Variants in DGKD observed in about 807,000 individuals in gnomAD.
DGKD encodes the protein DAG kinase delta.
A neutral mutation model predicts 154.4 loss-of-function variants in DGKD; 68 were observed. That is an observed-to-expected ratio of 0.44 (90% CI 0.36 to 0.54). The LOEUF is 0.54. DGKD is among the 20% of genes least tolerant of loss of function. The probability of loss-of-function intolerance (pLI) is 0.00; values close to 1 mark genes in which losing one functional copy is unlikely to be tolerated. For missense variants in DGKD, 1,343 were observed against 1,593.6 expected (o/e 0.84, Z 2.68); for synonymous variants, 693 against 638.0 (o/e 1.09, Z -1.30).
intron 12 of DGKD, chr2:233,447,424 CG>C: frequency 1.0e-6 from 1 of 965,620 alleles, no homozygotes; most frequent in Non-Finnish European, 1.2e-6. Flanking sequence ...GCTAGGGCAA[CG>C]GTCAGCAAAC....
At chr2:233,454,136 C>T (rs747038534) in intron 18 of DGKD, among the ~76,000 whole-genome samples, 2 of 152,144 alleles carry the variant, frequency 1.3e-5, no homozygotes, top group African/African-American at 2.4e-5. Flanking sequence ...GCAGAACTGC[C>T]GGGCCATGTG....
chr2:233,381,962 G>A lies in DGKD; in HGVS notation c.157-6295G>A, dbSNP rs528638558. 4.6e-5 allele frequency among the ~76,000 whole-genome samples: 7 copies of A among 152,328 alleles called. No individual in the cohort carries two copies. In the South Asian group the frequency reaches 8.3e-4, roughly 18 times the overall value. Reference sequence around the variant, plus strand: ...GTGATATGCAAATTGGGCCAGGTGCGGTGGCTCACGCCTGTGATCCCAGCA... The same window carrying A: ...GTGATATGCAAATTGGGCCAGGTGCAGTGGCTCACGCCTGTGATCCCAGCA... On this transcript the variant is annotated intron_variant, in intron 1 of 29. Coordinates refer to ENST00000264057, the MANE Select transcript of DGKD (RefSeq NM_152879.3).
chr2:233,453,351 T>C (rs965063239), intron 18 of DGKD, among the ~76,000 whole-genome samples: 1 of 152,216 alleles, frequency 6.6e-6, no homozygotes, highest in Non-Finnish European at 1.5e-5. Context: ...CAGTCTCTGC[T>C]GCCTTCCCTC....
chr2:233,363,814 T>C (rs541507140), intron 1 of DGKD, among the ~76,000 whole-genome samples: 2 of 152,272 alleles, frequency 1.3e-5, no homozygotes, highest in Non-Finnish European at 2.9e-5. Context: ...AGCACAGTGA[T>C]GTGCTCTATG....
Position 233,457,131 on chromosome 2 carries a change from C to G in DGKD, c.2473-90C>G. On this transcript the variant is annotated intron_variant, in intron 20 of 29. Transcript: ENST00000264057. The surrounding 1 kb of genome is among the most constrained non-coding windows in gnomAD (Gnocchi z 5.5). ...GGGATGCCCTGGCCACGGCTGTGCT[C>G]CTGAGCCCCTGGCGGTGGGAAGCTG... 2.3e-6 allele frequency: 3 copies of G among 1,317,728 alleles called. No individual in the cohort carries two copies. Among genetic ancestry groups the G allele is most frequent in the Non-Finnish European group, 2.1e-6 (2 of 938,972 alleles). 81.6% of individuals were successfully genotyped at this position (1,317,728 alleles called of 1,614,324 possible). A position where few individuals can be genotyped will look rare whatever the true frequency, so the allele number is the denominator to read the frequency against.
In DGKD at chr2:233,469,471, C is replaced by G. The variant is rs2063938534; in HGVS notation, c.*11C>G. On this transcript the variant is annotated 3_prime_UTR_variant, in exon 30 of 30. Coordinates refer to ENST00000264057, the MANE Select transcript of DGKD (RefSeq NM_152879.3). ...GCCGTCGAGGCCTAGCCTCTGTCCT[C>G]TCAGCCTGTGGCCTCCACATCCCCG... 6.3e-7 allele frequency: 1 copy of G among 1,587,868 alleles called. No individual in the cohort carries two copies. Among genetic ancestry groups the G allele is most frequent in the Non-Finnish European group, 8.6e-7 (1 of 1,168,010 alleles).
At chr2:233,443,513 C>A (rs1166934761) in intron 10 of DGKD, among the ~76,000 whole-genome samples, 1 of 152,168 alleles carries the variant, frequency 6.6e-6, no homozygotes, top group African/African-American at 2.4e-5. Flanking sequence ...ATATTTGCAG[C>A]TGCCTACACC....
chr2:233,455,017 G>C (rs2063410604), intron 19 of DGKD, 144 bp downstream of exon 19: 1 of 580,226 alleles, frequency 1.7e-6, no homozygotes, highest in African/African-American at 1.9e-5. Flanking sequence ...AGATCGCCTT[G>C]TCAGAAGCAC....
Position 233,452,459 on chromosome 2 carries a change from C to G in DGKD, c.2264+399C>G, listed in dbSNP as rs140487790. The stretch of plus-strand genomic sequence containing the variant: ...CTTACAGCCTGCCATCTTCCTCTTG[C>G]CATCCCTTCCCTCTGCTTTCCTCTA... On this transcript the variant is annotated intron_variant, in intron 18 of 29. Transcript: ENST00000264057. The surrounding 1 kb of genome is among the most constrained non-coding windows in gnomAD (Gnocchi z 4.0). Among the ~76,000 whole-genome samples the G allele has an allele frequency of 9.2e-5, 14 of 152,268 alleles. No homozygotes were observed. Among genetic ancestry groups the G allele is most frequent in the Admixed American group, 3.3e-4 (5 of 15,300 alleles).
Position 233,462,255 on chromosome 2 carries a change from C to T in DGKD, c.2982-93C>T, listed in dbSNP as rs2063669054. On this transcript the variant is annotated intron_variant, in intron 24 of 29. Transcript: ENST00000264057. ...TGGGCCTGCCCTCCACATCAGCCCT[C>T]CAGGTGGTACCTGGGCCGTGTTCAG... 3.9e-6 allele frequency: 4 copies of T among 1,031,076 alleles called. No homozygotes were observed. The South Asian group carries it at 4.5e-5, about 12-fold the overall frequency. The allele number at this position is 1,031,076 out of a possible 1,614,324, so 63.9% of individuals were successfully genotyped here.
intron 18 of DGKD, among the ~76,000 whole-genome samples, chr2:233,453,854 T>G (rs1189963405): frequency 6.6e-6 from 1 of 152,224 alleles, no homozygotes; most frequent in Non-Finnish European, 1.5e-5. Context: ...TTCTCGTCTG[T>G]CGCACACGGG....
At chr2:233,384,764 T>G (rs1426509666) in intron 1 of DGKD, among the ~76,000 whole-genome samples, 1 of 152,106 alleles carries the variant, frequency 6.6e-6, no homozygotes, top group East Asian at 1.9e-4. Flanking sequence ...TCACCCCTCT[T>G]CTTTCCCACA....
chr2:233,393,043 A>G (rs1703738102), intron 3 of DGKD, among the ~76,000 whole-genome samples: 1 of 152,030 alleles, frequency 6.6e-6, no homozygotes. Context: ...TTGAGACGGA[A>G]TCTTGCTCTG....
intron 26 of DGKD, among the ~76,000 whole-genome samples, chr2:233,462,956 A>G (rs1279745404): frequency 6.6e-6 from 1 of 152,200 alleles, no homozygotes; most frequent in African/African-American, 2.4e-5. Flanking sequence ...TTGCAGCGGA[A>G]ACACCCTTGT....
chr2:233,427,555 T>G (rs553768844), intron 3 of DGKD, among the ~76,000 whole-genome samples: 1 of 152,292 alleles, frequency 6.6e-6, no homozygotes, highest in Admixed American at 6.5e-5. Context: ...TTGGCCAGGC[T>G]GGTCTCGAAC....
rs1460267037 is a variant in DGKD at position 233,441,285 on chromosome 2, G to T, written c.1086-602G>T. 6.6e-6 allele frequency among the ~76,000 whole-genome samples: 1 copy of T among 152,130 alleles called. No individual in the cohort carries two copies. Among genetic ancestry groups the T allele is most frequent in the East Asian group, 1.9e-4 (1 of 5,176 alleles). On this transcript the variant is annotated intron_variant, in intron 9 of 29. Transcript: ENST00000264057. The surrounding 1 kb of genome is among the most constrained non-coding windows in gnomAD (Gnocchi z 5.6). The stretch of plus-strand genomic sequence containing the variant: ...GGAGGCGTGGGTCACATCACCGGAG[G>T]ACTGAGTGGGCCCAGGCATATGTGC...
chr2:233,448,292 G>T lies in DGKD; in HGVS notation c.1531G>T (p.Val511Leu). ...ISSAKVLCET[V>L]KDFVARVGKA... is the part of the protein sequence containing the mutation. ...TCCCCACAGAGTGCTCTGTGAGACG[G>T]TGAAGGACTTCGTGGCACGGGTGGG... Residue 511 changes from valine (V) to leucine (L), a missense_variant, in exon 14 of 30, where the codon GTG (valine) becomes TTG (leucine). By Grantham distance (32) the Val-to-Leu change is conservative. Around this residue, in one of 6 missense-constraint regions of DGKD, gnomAD observed 409 missense variants for 446.0 expected, o/e 0.92. Transcript: ENST00000264057. 1 of 1,614,192 alleles carries T rather than the reference G, an allele frequency of 6.2e-7. No homozygotes were observed. The highest frequency in any genetic ancestry group is 8.5e-7 in the Non-Finnish European group (1 of 1,180,042).
intron 3 of DGKD, among the ~76,000 whole-genome samples, chr2:233,420,752 G>A (rs978268540): frequency 1.6e-4 from 24 of 152,214 alleles, no homozygotes; most frequent in East Asian, 1.9e-4. Context: ...GGCATGAACC[G>A]CAGAGCTCCT....
Position 233,457,090 on chromosome 2 carries a change from C to A in DGKD, c.2472+95C>A. The A allele has an allele frequency of 7.5e-7, 1 of 1,335,648 alleles. No individual in the cohort carries two copies. The highest frequency in any genetic ancestry group is 1.1e-6 in the Non-Finnish European group (1 of 931,336). The allele number at this position is 1,335,648 out of a possible 1,614,324, so 82.7% of individuals were successfully genotyped here. A position where few individuals can be genotyped will look rare whatever the true frequency, so the allele number is the denominator to read the frequency against. ...TCTCCTGTTGACCATTTCCTCCATG[C>A]ACAGGGACTTGCCTGGGGATGCCCT... On this transcript the variant is annotated intron_variant, in intron 20 of 29. Transcript: ENST00000264057. The surrounding 1 kb of genome is among the most constrained non-coding windows in gnomAD (Gnocchi z 5.5).
Sources: gnomAD v4.1 joint callset for allele counts (sites outside exome capture counted in the v4.1 genomes callset) on GRCh38, gnomAD v4.1.1 for gene constraint, gnomAD v4.1.1 regional missense constraint, Gnocchi (gnomAD v3.1) non-coding constraint, MANE v1.5 for transcripts, NCBI Gene and HGNC (gene_info 2026-07-23, HGNC 2026-07-21) for gene names.